SLC24A2: variants seen among roughly 807,000 people sequenced by gnomAD.
SLC24A2 encodes the protein sodium/potassium/calcium exchanger 2.
In SLC24A2, 36 loss-of-function variants were observed where a neutral mutation model predicts 62.0. That is an observed-to-expected ratio of 0.58 (90% CI 0.44 to 0.77). The LOEUF (loss-of-function observed/expected upper bound fraction) is 0.77. SLC24A2 is among the 30% of genes least tolerant of loss of function. SLC24A2 has a pLI of 0.00. For synonymous variants in SLC24A2, 358 were observed against 294.0 expected (o/e 1.22, Z -2.23); for missense variants, 846 against 817.9 (o/e 1.03, Z -0.42).
chr9:19,538,336 G>C (rs1339990521), intron 8 of SLC24A2, among the ~76,000 whole-genome samples: 1 of 146,442 alleles, frequency 6.8e-6, no homozygotes, highest in Non-Finnish European at 1.5e-5. Context: ...TACTGGCTGT[G>C]GGTTTGTCAT....
the SLC24A2 span, among the ~76,000 whole-genome samples, chr9:19,947,559 G>A: frequency 6.6e-6 from 1 of 151,908 alleles, no homozygotes; most frequent in Non-Finnish European, 1.5e-5. Flanking sequence ...GGGAGGCCGA[G>A]GTGGGCACAT....
At chr9:19,552,697 A>C (rs556796111) in intron 7 of SLC24A2, among the ~76,000 whole-genome samples, 1 of 152,266 alleles carries the variant, frequency 6.6e-6, no homozygotes, top group African/African-American at 2.4e-5. Flanking sequence ...ATAAAACACA[A>C]AAGCAACTCT....
the SLC24A2 span, among the ~76,000 whole-genome samples, chr9:20,113,081 T>TC: frequency 3.3e-5 from 5 of 149,344 alleles, no homozygotes; most frequent in African/African-American, 1.2e-4. Flanking sequence ...CCTCAGAGTT[T>TC]TGGGGCATAG....
At chr9:20,083,852 G>A in the SLC24A2 span, among the ~76,000 whole-genome samples, 1 of 152,182 alleles carries the variant, frequency 6.6e-6, no homozygotes. Flanking sequence ...AGGAGTTCAG[G>A]CTCTCATTAC....
At chr9:19,729,020 C>T (rs566737640) in intron 2 of SLC24A2, among the ~76,000 whole-genome samples, 75 of 152,246 alleles carry the variant, frequency 4.9e-4, no homozygotes, top group African/African-American at 1.6e-3. Context: ...TAATGCCCAT[C>T]GTTTCACCTT....
chr9:20,181,559 G>C, the SLC24A2 span, among the ~76,000 whole-genome samples: 2 of 152,168 alleles, frequency 1.3e-5, no homozygotes, highest in African/African-American at 2.4e-5. Flanking sequence ...TTAATAAATG[G>C]TGCTGGGAAA....
At chr9:19,842,388 T>C in the SLC24A2 span, among the ~76,000 whole-genome samples, 18 of 152,208 alleles carry the variant, frequency 1.2e-4, no homozygotes, top group Non-Finnish European at 2.2e-4. Context: ...AAGACTCAGT[T>C]ATGATGTAGT....
the SLC24A2 span, among the ~76,000 whole-genome samples, chr9:19,995,508 C>G: frequency 6.6e-6 from 1 of 152,102 alleles, no homozygotes; most frequent in Non-Finnish European, 1.5e-5. Flanking sequence ...GGACCAGGGT[C>G]TTTTTCATAA....
chr9:20,056,641 C>T, the SLC24A2 span, among the ~76,000 whole-genome samples: 1 of 152,192 alleles, frequency 6.6e-6, no homozygotes, highest in Non-Finnish European at 1.5e-5. Flanking sequence ...CAGTGGAAAT[C>T]AGATTCTTAC....
chr9:20,093,467 AGTTTGAG>A, the SLC24A2 span, among the ~76,000 whole-genome samples: 1 of 151,854 alleles, frequency 6.6e-6, no homozygotes, highest in African/African-American at 2.4e-5. Context: ...TATATACATG[AGTTTGAG>A]GTTTTGATTC....
the SLC24A2 span, among the ~76,000 whole-genome samples, chr9:20,115,614 G>T: frequency 6.6e-6 from 1 of 152,138 alleles, no homozygotes; most frequent in Non-Finnish European, 1.5e-5. Context: ...GATTTCTTAA[G>T]ATATGATCAA....
At chr9:19,876,781 T>C in the SLC24A2 span, among the ~76,000 whole-genome samples, 2 of 152,148 alleles carry the variant, frequency 1.3e-5, no homozygotes, top group Non-Finnish European at 2.9e-5. Context: ...TGAGTCATGT[T>C]TCCTTCCACA....
At chr9:20,243,425 A>C in the SLC24A2 span, among the ~76,000 whole-genome samples, 1 of 152,242 alleles carries the variant, frequency 6.6e-6, no homozygotes, top group Non-Finnish European at 1.5e-5. Flanking sequence ...AATTTGCAGC[A>C]TACTAAACAG....
At chr9:20,030,528 A>G in the SLC24A2 span, among the ~76,000 whole-genome samples, 812 of 152,310 alleles carry the variant, frequency 5.3e-3, 4 homozygotes, top group African/African-American at 0.018. Context: ...TGAGCCAGTC[A>G]TCTGGTCACT....
At chr9:19,521,873 T>C (rs547685217) in intron 9 of SLC24A2, among the ~76,000 whole-genome samples, 7,426 of 145,366 alleles carry the variant, frequency 0.051, 245 homozygotes, top group Middle Eastern at 0.16. Context: ...TCTTTTTTTT[T>C]CTTTTTTTTT....
chr9:20,256,326 T>A, the SLC24A2 span, among the ~76,000 whole-genome samples: 1 of 152,168 alleles, frequency 6.6e-6, no homozygotes, highest in Non-Finnish European at 1.5e-5. Context: ...AGACCTCTAG[T>A]TGCAACCAGC....
chr9:20,210,871 AAG>A, the SLC24A2 span, among the ~76,000 whole-genome samples: 1,548 of 151,634 alleles, frequency 0.01, 28 homozygotes, highest in African/African-American at 0.035. Flanking sequence ...AGGGGAGAGG[AAG>A]AGAAATTTGA....
chr9:20,259,961 G>A, the SLC24A2 span, among the ~76,000 whole-genome samples: 4 of 152,228 alleles, frequency 2.6e-5, no homozygotes, highest in African/African-American at 4.8e-5. Context: ...GCATACATCC[G>A]TAGTCCCAGC....
At chr9:19,771,578 C>T (rs1189708667) in intron 2 of SLC24A2, among the ~76,000 whole-genome samples, 7 of 152,150 alleles carry the variant, frequency 4.6e-5, no homozygotes, top group Non-Finnish European at 1.0e-4. Context: ...GTCAGGGCCA[C>T]AAAACTCCAT....
Sources: allele counts gnomAD v4.1 joint callset (sites outside exome capture counted in the v4.1 genomes callset), GRCh38; gene constraint gnomAD v4.1.1; transcripts MANE v1.5; gene names NCBI Gene and HGNC (gene_info 2026-07-23, HGNC 2026-07-21).